Variants in SLC22A16 observed in about 807,000 individuals in gnomAD.
The protein encoded by SLC22A16 is solute carrier family 22 member 16.
SLC22A16 carries 53 observed loss-of-function variants against 52.9 expected under a neutral mutation model. That is an observed-to-expected ratio of 1.00 (90% confidence interval 0.80 to 1.26). The LOEUF is 1.26. Among genes scored for constraint, SLC22A16 ranks in the 50% most tolerant of loss-of-function variants. The probability of loss-of-function intolerance (pLI) is 0.00; values close to 1 mark genes in which losing one functional copy is unlikely to be tolerated. For missense variants in SLC22A16, 726 were observed against 704.0 expected (o/e 1.03, Z -0.35); for synonymous variants, 291 against 268.8 (o/e 1.08, Z -0.81).
intron 7 of SLC22A16, among the ~76,000 whole-genome samples, chr6:110,428,825 C>T (rs1005849250): frequency 5.3e-5 from 8 of 152,094 alleles, no homozygotes; most frequent in Non-Finnish European, 7.4e-5. Context: ...GAGGCTGAGG[C>T]GGGAGAATCT....
intron 1 of SLC22A16, among the ~76,000 whole-genome samples, chr6:110,466,968 G>T (rs933843019): frequency 6.8e-6 from 1 of 146,562 alleles, no homozygotes; most frequent in Admixed American, 6.9e-5. Flanking sequence ...TAGATAGATA[G>T]ATAATCTGCA....
At chr6:110,436,688 T>G (rs1010817778) in intron 5 of SLC22A16, among the ~76,000 whole-genome samples, 3 of 152,192 alleles carry the variant, frequency 2.0e-5, no homozygotes, top group African/African-American at 7.2e-5. Context: ...TTTGTGGCAG[T>G]AATCCCTGGC....
At position 110,442,723 on chromosome 6, in the gene SLC22A16, C is replaced by G. The variant is rs373533559; in HGVS notation, c.704G>C (p.Gly235Ala). ...VGFVYVMEFI[G>A]MKSRTWASVH... ...AGACGCCCATGTCCGAGACTTCATG[C>G]CAATGAATTCCATCACATAGACAAA... is the stretch of plus-strand genomic sequence containing the variant. Residue 235 changes from glycine (G) to alanine (A), a missense_variant, in exon 4 of 8, where the codon GGC becomes GCC. Gly to Ala is a moderately conservative substitution (Grantham distance 60). Transcript: ENST00000368919. The G allele has an allele frequency of 1.2e-6, 2 of 1,614,086 alleles. No individual in the cohort carries two copies. Among genetic ancestry groups the G allele is most frequent in the East Asian group, 4.5e-5 (2 of 44,884 alleles).
Position 110,446,934 on chromosome 6 carries a change from AT to A in SLC22A16, c.589del (p.Ile197Ter). ...ATSSSMFLFGIAAAFAVDYYT... is the reference protein window; with the variant it reads ...ATSSSMFLFGXAAAFAVDYYT... The stretch of plus-strand genomic sequence containing the variant: ...ATAATCAACTGCAAACGCCGCTGCT[AT>A]TCCAAACAAAAACATGCTACTGCTT... On this transcript the variant is annotated frameshift_variant, in exon 3 of 8. Coordinates refer to ENST00000368919, the MANE Select transcript of SLC22A16 (RefSeq NM_033125.4). LOFTEE classifies it high-confidence loss of function. 1.2e-6 allele frequency: 2 copies of A among 1,613,950 alleles called. No individual in the cohort carries two copies. Among genetic ancestry groups the A allele is most frequent in the South Asian group, 2.2e-5 (2 of 91,066 alleles).
chr6:110,445,161 A>G (rs1205135715), intron 3 of SLC22A16, among the ~76,000 whole-genome samples: 1 of 152,098 alleles, frequency 6.6e-6, no homozygotes, highest in Non-Finnish European at 1.5e-5. Flanking sequence ...AATCCTGACA[A>G]TCCTACAAAG....
Position 110,456,525 on chromosome 6 carries a change from T to C in SLC22A16, c.533+13A>G. ...CCTACACTGATACAACAATCCTAAA[T>C]ATTTGATTTTACCTGTCAGAAAAGT... On this transcript the variant is annotated intron_variant, in intron 2 of 7. Transcript: ENST00000368919. 1 of 1,612,740 alleles carries C rather than the reference T, an allele frequency of 6.2e-7. No homozygotes were observed. The highest frequency in any genetic ancestry group is 2.2e-5 in the East Asian group (1 of 44,858).
At chr6:110,470,357 G>C (rs77447190) in intron 1 of SLC22A16, among the ~76,000 whole-genome samples, 2,035 of 152,234 alleles carry the variant, frequency 0.013, 34 homozygotes, top group African/African-American at 0.047. Flanking sequence ...GCAAACAGCA[G>C]GCATGTTTAA....
chr6:110,454,648 TTATATATATTATATATA>T (rs1562292404), intron 2 of SLC22A16, among the ~76,000 whole-genome samples: 9 of 46,914 alleles, frequency 1.9e-4, no homozygotes, highest in East Asian at 1.5e-3. Flanking sequence ...ATTATATATT[TTATATATATTATATATA>T]TTTATATATA....
At chr6:110,465,336 G>GA (rs1461440201) in intron 1 of SLC22A16, among the ~76,000 whole-genome samples, 2 of 151,708 alleles carry the variant, frequency 1.3e-5, no homozygotes, top group African/African-American at 2.4e-5. Context: ...TATCCAAACT[G>GA]AAAAAAAGAG....
rs1774450013 is a variant in SLC22A16 at position 110,430,411 on chromosome 6, CG to C, written c.1521+759del. On this transcript the variant is annotated intron_variant, in intron 7 of 7. Coordinates refer to ENST00000368919, the MANE Select transcript of SLC22A16 (RefSeq NM_033125.4). ...GATGAGAGGTGATGCATGCAGGGGG[CG>C]GGGAGGAGGCTGGGAGGGAATCCGG... Among the ~76,000 whole-genome samples the C allele has an allele frequency of 6.0e-5, 9 of 150,550 alleles. No homozygotes were observed. In the South Asian group the frequency reaches 1.9e-3, roughly 32 times the overall value.
intron 1 of SLC22A16, among the ~76,000 whole-genome samples, chr6:110,470,433 C>T (rs1026414505): frequency 6.6e-6 from 1 of 152,126 alleles, no homozygotes; most frequent in African/African-American, 2.4e-5. Context: ...GGAACAGCTC[C>T]ACCACTGAAA....
chr6:110,434,623 T>TGTCGGGGGGGCGG (rs1407325578), intron 6 of SLC22A16, among the ~76,000 whole-genome samples: 1 of 4,390 alleles, frequency 2.3e-4, no homozygotes, highest in Admixed American at 2.9e-3. Context: ...TCCCAAAGGG[T>TGTCGGGGGGGCGG]GTCGGGGGGG....
intron 7 of SLC22A16, among the ~76,000 whole-genome samples, chr6:110,426,809 G>A (rs1438702980): frequency 6.6e-6 from 1 of 151,982 alleles, no homozygotes; most frequent in African/African-American, 2.4e-5. Flanking sequence ...AATTAGCCGG[G>A]CGAGGTGGCA....
intron 2 of SLC22A16, among the ~76,000 whole-genome samples, chr6:110,454,705 GTA>G (rs1167645925): frequency 7.4e-5 from 4 of 54,378 alleles, no homozygotes; most frequent in African/African-American, 3.3e-4. Context: ...TATATTTTTT[GTA>G]TATATATTTT....
chr6:110,452,076 AAGTCTATTCC>A lies in SLC22A16; in HGVS notation c.533+4452_533+4461del, dbSNP rs1298265889. Among the ~76,000 whole-genome samples, 9 of 152,300 alleles carry A rather than the reference AAGTCTATTCC, an allele frequency of 5.9e-5. 1 individual carries two copies. The highest frequency in any genetic ancestry group is 1.9e-4 in the African/African-American group (8 of 41,574). On this transcript the variant is annotated intron_variant, in intron 2 of 7. Transcript: ENST00000368919. The stretch of plus-strand genomic sequence containing the variant: ...TCTATACTTATGTTTATGAATGCAC[AAGTCTATTCC>A]AGGAACCTCTAAGGGAGCCTCAATC...
chr6:110,443,928 C>A (rs919393421), intron 3 of SLC22A16, among the ~76,000 whole-genome samples: 2 of 152,094 alleles, frequency 1.3e-5, no homozygotes, highest in African/African-American at 4.8e-5. Context: ...CTCATAGAGA[C>A]AGGATGTAGA....
At chr6:110,475,539 A>C (rs1482843721) in intron 1 of SLC22A16, among the ~76,000 whole-genome samples, 1 of 152,220 alleles carries the variant, frequency 6.6e-6, no homozygotes, top group Non-Finnish European at 1.5e-5. Context: ...ACTGGGAATC[A>C]AAACCAAAAC....
chr6:110,446,490 C>T (rs913869687), intron 3 of SLC22A16, among the ~76,000 whole-genome samples: 2 of 152,140 alleles, frequency 1.3e-5, no homozygotes, highest in Non-Finnish European at 2.9e-5. Flanking sequence ...GACCTAATGC[C>T]CTCCTGTTTT....
At position 110,442,662 on chromosome 6, in the gene SLC22A16, C is replaced by G; in HGVS notation, c.765G>C (p.Leu255=). 1 of 1,614,156 alleles carries G rather than the reference C, an allele frequency of 6.2e-7. No homozygotes were observed. Among genetic ancestry groups the G allele is most frequent in the Non-Finnish European group, 8.5e-7 (1 of 1,179,990 alleles). The change falls in exon 4 of 8, where the codon CTG becomes CTC. Residue 255 remains leucine (L), a synonymous_variant. Coordinates refer to ENST00000368919, the MANE Select transcript of SLC22A16 (RefSeq NM_033125.4). ...CCAAGTATCCTGTCAAAGCCACCAGCAGGGTTCCAACTGCAAAAAAGGAAT... is the reference window on the plus strand; with the variant it reads ...CCAAGTATCCTGTCAAAGCCACCAGGAGGGTTCCAACTGCAAAAAAGGAAT... ...HLHSFFAVGT[L]LVALTGYLVR... is the part of the protein sequence containing the mutation.
Sources: gnomAD v4.1 joint callset for allele counts (sites outside exome capture counted in the v4.1 genomes callset) on GRCh38, gnomAD v4.1.1 for gene constraint, MANE v1.5 for transcripts, NCBI Gene and HGNC (gene_info 2026-07-23, HGNC 2026-07-21) for gene names.